The following ERI1 variants were observed in gnomAD, a reference collection of about 807,000 sequenced individuals.
ERI1 encodes the protein 3'-5' exoribonuclease 1.
Under a neutral mutation model 39.7 loss-of-function variants are expected in ERI1, and 39 were observed. The observed-to-expected ratio is 0.98, with a 90% CI of 0.76 to 1.28. The LOEUF (loss-of-function observed/expected upper bound fraction) is 1.28. Ranked by LOEUF, ERI1 falls within the 50% of genes most tolerant of loss-of-function variation. The pLI, the probability that ERI1 is intolerant of heterozygous loss-of-function variation, is 0.00. For missense variants in ERI1, 581 were observed against 416.9 expected (o/e 1.39, Z -3.43); for synonymous variants, 204 against 149.6 (o/e 1.36, Z -2.65).
chr8:9,033,535 T>G (rs1456093848), downstream of ERI1, among the ~76,000 whole-genome samples: 2 of 150,588 alleles, frequency 1.3e-5, no homozygotes, highest in Non-Finnish European at 2.9e-5. Context: ...AAACAAGAAA[T>G]GCGACTGTGA....
intron 3 of ERI1, among the ~76,000 whole-genome samples, chr8:9,049,336 C>CAAAAAAAAAAAAAAAAAAAAAA (rs3989371): frequency 3.6e-4 from 12 of 33,248 alleles, no homozygotes; most frequent in Admixed American, 4.7e-4. Flanking sequence ...ACTCCGTCTC[C>CAAAAAAAAAAAAAAAAAAAAAA]AAAAAAAAAA....
intron 3 of ERI1, among the ~76,000 whole-genome samples, chr8:9,014,948 C>T (rs899731942): frequency 5.3e-5 from 8 of 152,104 alleles, no homozygotes; most frequent in African/African-American, 9.7e-5. Context: ...AGCGATTATC[C>T]CACCTCAGCT....
chr8:9,077,505 A>T (rs988302110), intron 3 of ERI1, among the ~76,000 whole-genome samples: 2 of 63,856 alleles, frequency 3.1e-5, no homozygotes, highest in Non-Finnish European at 7.3e-5. Context: ...TTTATACCCC[A>T]CAGAAAAAAA....
At chr8:9,092,602 C>T (rs554493594) in intron 3 of ERI1, among the ~76,000 whole-genome samples, 2 of 152,302 alleles carry the variant, frequency 1.3e-5, no homozygotes, top group South Asian at 2.1e-4. Flanking sequence ...ACATATCAAC[C>T]TCTTCGGATG....
At chr8:9,061,332 G>A (rs796467565) in intron 3 of ERI1, among the ~76,000 whole-genome samples, 11 of 152,116 alleles carry the variant, frequency 7.2e-5, no homozygotes, top group Non-Finnish European at 1.5e-4. Context: ...ATTGAAGTCC[G>A]GGCCAGGAAC....
chr8:9,059,558 G>C (rs1798623054), intron 3 of ERI1, among the ~76,000 whole-genome samples: 1 of 151,930 alleles, frequency 6.6e-6, no homozygotes, highest in African/African-American at 2.4e-5. Context: ...TATTGATGAT[G>C]GCCTAGATAC....
At chr8:9,051,900 C>T (rs1171081890) in intron 3 of ERI1, among the ~76,000 whole-genome samples, 3 of 152,188 alleles carry the variant, frequency 2.0e-5, no homozygotes, top group Non-Finnish European at 4.4e-5. Context: ...GCTGCAGAGT[C>T]GTTTTGTAGC....
At chr8:9,077,526 G>A (rs1458582276) in intron 3 of ERI1, among the ~76,000 whole-genome samples, 1 of 152,172 alleles carries the variant, frequency 6.6e-6, no homozygotes, top group Non-Finnish European at 1.5e-5. Flanking sequence ...ATAGGGGCTG[G>A]GGGCTCCTGG....
intron 3 of ERI1, among the ~76,000 whole-genome samples, chr8:9,044,100 G>C (rs1214806276): frequency 1.3e-5 from 2 of 152,096 alleles, no homozygotes; most frequent in African/African-American, 2.4e-5. Flanking sequence ...CTCTTCATAG[G>C]GTTGTTGTCG....
At chr8:9,082,529 A>G (rs1271230058) in intron 3 of ERI1, among the ~76,000 whole-genome samples, 2 of 152,098 alleles carry the variant, frequency 1.3e-5, no homozygotes, top group Non-Finnish European at 2.9e-5. Context: ...TGAAGTCCAT[A>G]TCTGTGTAAA....
chr8:9,005,119 G>C (rs1414158867), intron 1 of ERI1, among the ~76,000 whole-genome samples: 1 of 152,016 alleles, frequency 6.6e-6, no homozygotes, highest in Non-Finnish European at 1.5e-5. Flanking sequence ...TTAATAAGTA[G>C]GTTCAGATTT....
intron 6 of ERI1, among the ~76,000 whole-genome samples, chr8:9,022,110 ATC>A (rs1455138185): frequency 2.0e-5 from 3 of 152,100 alleles, no homozygotes; most frequent in African/African-American, 7.2e-5. Flanking sequence ...TTGCACTCTT[ATC>A]AGTGCTATGT....
intron 3 of ERI1, among the ~76,000 whole-genome samples, chr8:9,074,944 G>A (rs1398830960): frequency 6.6e-6 from 1 of 152,230 alleles, no homozygotes; most frequent in Non-Finnish European, 1.5e-5. Context: ...CCCCACCAGC[G>A]CCACAGTGAG....
intron 3 of ERI1, among the ~76,000 whole-genome samples, chr8:9,077,479 C>G (rs1257991824): frequency 6.7e-6 from 1 of 149,710 alleles, no homozygotes; most frequent in Non-Finnish European, 1.5e-5. Context: ...CAGAGGAGGA[C>G]CAGCTGACTG....
chr8:9,044,120 A>C (rs951998530), intron 3 of ERI1, among the ~76,000 whole-genome samples: 4 of 152,222 alleles, frequency 2.6e-5, no homozygotes, highest in African/African-American at 9.6e-5. Flanking sequence ...GGAGTTAAAT[A>C]GGATATCATC....
intron 3 of ERI1, among the ~76,000 whole-genome samples, chr8:9,076,122 T>C (rs1453266787): frequency 2.0e-5 from 3 of 152,166 alleles, no homozygotes; most frequent in Non-Finnish European, 4.4e-5. Flanking sequence ...GCTGTTGTTG[T>C]TTTGTAGAGA....
chr8:9,082,406 C>G (rs757522749), intron 3 of ERI1, among the ~76,000 whole-genome samples: 25 of 152,162 alleles, frequency 1.6e-4, no homozygotes, highest in Middle Eastern at 3.2e-3. Context: ...GCCATGGAAA[C>G]CTGATCATCT....
chr8:9,071,758 A>G (rs1297890387), intron 3 of ERI1, among the ~76,000 whole-genome samples: 3 of 152,230 alleles, frequency 2.0e-5, no homozygotes, highest in Non-Finnish European at 4.4e-5. Context: ...AGGTGATTCA[A>G]CTTTGGAAAT....
rs1246538294 is a variant in ERI1, at chr8:9,031,451, A to G, written c.*1417A>G. ...GTTCCTAGATGAACTGTTACAGATT[A>G]TAGTAAAATAAGGAAATCTAAGTGC... is the stretch of plus-strand genomic sequence containing the variant. On this transcript the variant is annotated 3_prime_UTR_variant, in exon 7 of 7. Transcript: ENST00000250263. 5 of 152,224 alleles carry G rather than the reference A, an allele frequency of 3.3e-5. No homozygotes were observed. The highest frequency in any genetic ancestry group is 2.9e-5 in the Non-Finnish European group (2 of 68,034). The allele number at this position is 152,224 out of a possible 1,614,324, so 9.4% of individuals were successfully genotyped here.
Sources: gnomAD v4.1 joint callset for allele counts (sites outside exome capture counted in the v4.1 genomes callset) on GRCh38, gnomAD v4.1.1 for gene constraint, MANE v1.5 for transcripts, NCBI Gene and HGNC (gene_info 2026-07-23, HGNC 2026-07-21) for gene names.